The following LRRC49 variants were observed in gnomAD, a reference collection of about 807,000 sequenced individuals.
The protein encoded by LRRC49 is leucine rich repeat containing 49.
Under a neutral mutation model 83.3 loss-of-function variants are expected in LRRC49, and 50 were observed. The ratio of observed to expected loss-of-function variants is 0.60; its 90% CI spans 0.48 to 0.76. The LOEUF is 0.76. Among genes scored for constraint, LRRC49 ranks in the 30% least tolerant of loss-of-function variants. The pLI is 0.00. For missense variants in LRRC49, 704 were observed against 809.1 expected, an observed-to-expected ratio of 0.87 and a Z score of 1.58; for synonymous variants, 286 against 283.3, an observed-to-expected ratio of 1.01 and a Z score of -0.10.
intron 1 of LRRC49, chr15:70,859,771 G>A (rs1401128072): frequency 1.4e-5 from 10 of 734,278 alleles, no homozygotes; most frequent in African/African-American, 5.2e-5. Context: ...ACGCCAAGCT[G>A]TCCGAGCTGG....
At chr15:70,955,721 A>G (rs529031582) in intron 8 of LRRC49, among the ~76,000 whole-genome samples, 4 of 151,894 alleles carry the variant, frequency 2.6e-5, no homozygotes, top group Non-Finnish European at 5.9e-5. Flanking sequence ...TTAGTTTTCT[A>G]TGTAGTCCTC....
chr15:70,882,280 A>G (rs1247900114), intron 2 of LRRC49: 4 of 566,670 alleles, frequency 7.1e-6, no homozygotes, highest in African/African-American at 5.6e-5. Flanking sequence ...GTGGGTAGGT[A>G]TTATCTTCAT....
chr15:70,932,243 A>G (rs1209335793), intron 7 of LRRC49, among the ~76,000 whole-genome samples: 1 of 152,216 alleles, frequency 6.6e-6, no homozygotes, highest in Non-Finnish European at 1.5e-5. Flanking sequence ...TTTCATTGGC[A>G]TTTATATATA....
chr15:70,949,460 A>G (rs900065803), intron 8 of LRRC49, among the ~76,000 whole-genome samples: 1 of 152,174 alleles, frequency 6.6e-6, no homozygotes, highest in African/African-American at 2.4e-5. Context: ...ACAGTTATCT[A>G]TGGCACACAA....
chr15:70,958,710 T>A (rs983464447), intron 8 of LRRC49, among the ~76,000 whole-genome samples: 2 of 152,228 alleles, frequency 1.3e-5, no homozygotes, highest in African/African-American at 4.8e-5. Context: ...CTTCATATAC[T>A]AGTTTGTTAA....
intron 1 of LRRC49, among the ~76,000 whole-genome samples, chr15:70,871,677 G>T (rs2033043713): frequency 6.6e-6 from 1 of 151,034 alleles, no homozygotes; most frequent in South Asian, 2.1e-4. Context: ...TCACTTCTCA[G>T]ACGGGGCGGC....
chr15:71,002,446 C>G (rs116632733), intron 11 of LRRC49, among the ~76,000 whole-genome samples: 2,930 of 152,042 alleles, frequency 0.019, 93 homozygotes, highest in African/African-American at 0.067. Context: ...TGGGACAGCT[C>G]TACAGTAAAA....
intron 8 of LRRC49, among the ~76,000 whole-genome samples, chr15:70,962,663 A>C (rs1567072264): frequency 6.6e-6 from 1 of 152,186 alleles, no homozygotes; most frequent in Non-Finnish European, 1.5e-5. Context: ...CATAGAAGCC[A>C]ATTGAAAGAG....
chr15:70,962,371 C>T (rs1354407264), intron 8 of LRRC49, among the ~76,000 whole-genome samples: 3 of 152,102 alleles, frequency 2.0e-5, no homozygotes, highest in Non-Finnish European at 4.4e-5. Flanking sequence ...TATGCATATA[C>T]ACAGGTTTCT....
intron 8 of LRRC49, among the ~76,000 whole-genome samples, chr15:70,939,589 G>A (rs886988637): frequency 6.6e-6 from 1 of 152,142 alleles, no homozygotes; most frequent in Non-Finnish European, 1.5e-5. Flanking sequence ...GGTATATCAG[G>A]GTTAGGGTGG....
intron 7 of LRRC49, among the ~76,000 whole-genome samples, chr15:70,934,186 C>T (rs937097882): frequency 2.6e-5 from 4 of 152,132 alleles, no homozygotes; most frequent in Non-Finnish European, 5.9e-5. Flanking sequence ...GAGCCATCCC[C>T]TAGTAGTTTT....
chr15:70,965,844 ATTTAGTCTCGTC>A (rs2036775898), intron 9 of LRRC49, among the ~76,000 whole-genome samples: 2 of 152,032 alleles, frequency 1.3e-5, no homozygotes, highest in African/African-American at 4.8e-5. Context: ...GACTTATGGT[ATTTAGTCTCGTC>A]TTTTATTTAT....
intron 8 of LRRC49, among the ~76,000 whole-genome samples, chr15:70,953,498 A>G (rs2036292046): frequency 6.6e-6 from 1 of 152,216 alleles, no homozygotes; most frequent in African/African-American, 2.4e-5. Flanking sequence ...TAAAAGGTCC[A>G]TTGTTAACCT....
At chr15:71,011,616 A>G (rs1192945435) in intron 13 of LRRC49, among the ~76,000 whole-genome samples, 1 of 152,168 alleles carries the variant, frequency 6.6e-6, no homozygotes, top group Non-Finnish European at 1.5e-5. Context: ...TGTATAAAAA[A>G]GAATGATATT....
chr15:70,915,048 A>G (rs1567049818), intron 6 of LRRC49, among the ~76,000 whole-genome samples: 1 of 152,208 alleles, frequency 6.6e-6, no homozygotes, highest in Non-Finnish European at 1.5e-5. Flanking sequence ...CTTGCTGTGA[A>G]GTATATCAAT....
At chr15:71,030,998 A>G (rs140945712) in intron 14 of LRRC49, among the ~76,000 whole-genome samples, 2 of 152,042 alleles carry the variant, frequency 1.3e-5, no homozygotes, top group East Asian at 1.9e-4. Flanking sequence ...TCTGAAGCCT[A>G]CTTCTGTCAA....
At chr15:70,979,232 T>C (rs72757992) in intron 9 of LRRC49, among the ~76,000 whole-genome samples, 2 of 152,158 alleles carry the variant, frequency 1.3e-5, no homozygotes, top group Non-Finnish European at 2.9e-5. Flanking sequence ...TACACAGAAA[T>C]TGTAAGATTT....
chr15:70,936,665 A>G lies in LRRC49; in HGVS notation c.712-96A>G. 4.0e-6 allele frequency: 3 copies of G among 752,946 alleles called. No individual in the cohort carries two copies. In the South Asian group the frequency reaches 4.7e-5, roughly 12 times the overall value. 46.6% of individuals were successfully genotyped at this position (752,946 alleles called of 1,614,324 possible). ...CAGTGATGTAGCAATGTTGCAGTAA[A>G]TAGAAATGATTATATATTTCAATAG... On this transcript the variant is annotated intron_variant, in intron 7 of 15. Transcript: ENST00000260382.
intron 8 of LRRC49, among the ~76,000 whole-genome samples, chr15:70,946,892 T>G (rs1055210054): frequency 6.6e-6 from 1 of 152,178 alleles, no homozygotes; most frequent in African/African-American, 2.4e-5. Flanking sequence ...GAAATGTCTA[T>G]TGTAGTCCCT....
Sources: gnomAD v4.1 joint callset for allele counts (sites outside exome capture counted in the v4.1 genomes callset) on GRCh38, gnomAD v4.1.1 for gene constraint, MANE v1.5 for transcripts, NCBI Gene and HGNC (gene_info 2026-07-23, HGNC 2026-07-21) for gene names.